Variants in PTPN9 observed in about 807,000 individuals in gnomAD.
PTPN9 encodes tyrosine-protein phosphatase non-receptor type 9.
A neutral mutation model predicts 69.8 loss-of-function variants in PTPN9; 26 were observed. That is an observed-to-expected ratio of 0.37 (90% CI 0.27 to 0.52). PTPN9 has a LOEUF of 0.52. PTPN9 is among the 20% of genes least tolerant of loss of function. PTPN9 has a pLI of 0.91. For missense variants in PTPN9, 549 were observed against 740.3 expected (o/e 0.74, Z 3.00); for synonymous variants, 274 against 272.5 (o/e 1.01, Z -0.05).
At chr15:75,515,224 G>C (rs1301062806) in intron 5 of PTPN9, among the ~76,000 whole-genome samples, 1 of 150,830 alleles carries the variant, frequency 6.6e-6, no homozygotes, top group Non-Finnish European at 1.5e-5. Context: ...TGAGGAGATC[G>C]AGACCATCTT....
intron 4 of PTPN9, among the ~76,000 whole-genome samples, chr15:75,518,968 T>C (rs1193389718): frequency 6.6e-6 from 1 of 152,220 alleles, no homozygotes. Context: ...CGTACTTATA[T>C]GTGATCTGCA....
At chr15:75,530,606 T>C (rs1357814944) in intron 1 of PTPN9, among the ~76,000 whole-genome samples, 1 of 81,470 alleles carries the variant, frequency 1.2e-5, no homozygotes, top group South Asian at 2.9e-4. Context: ...TATATTATAA[T>C]ATACTATAAT....
At chr15:75,523,381 G>T in intron 3 of PTPN9, 136 bp from the exon 4 acceptor site, 2 of 970,460 alleles carry the variant, frequency 2.1e-6, no homozygotes, top group South Asian at 1.7e-5. Flanking sequence ...TTCACCAATT[G>T]CTGTCCAAAG....
chr15:75,486,909 C>A (rs185041778), intron 8 of PTPN9, among the ~76,000 whole-genome samples: 1 of 151,566 alleles, frequency 6.6e-6, no homozygotes, highest in Non-Finnish European at 1.5e-5. Context: ...CTCGGCCTCC[C>A]GAGTAGCTGG....
rs1290349960 is a variant in PTPN9 at position 75,475,345 on chromosome 15, G to T, written c.1130-1578C>A. Among the ~76,000 whole-genome samples, 6 of 152,122 alleles carry T rather than the reference G, an allele frequency of 3.9e-5. No individual in the cohort carries two copies. In the East Asian group the frequency reaches 1.2e-3, roughly 29 times the overall value. On this transcript the variant is annotated intron_variant, in intron 9 of 12. Coordinates refer to ENST00000618819, the MANE Select transcript of PTPN9 (RefSeq NM_002833.4). ...TGTAATCCCAACACTTTGGGAGGCCGAGGCAGGTGGATCACTTGAGGTCAG... is the reference window on the plus strand; with the variant it reads ...TGTAATCCCAACACTTTGGGAGGCCTAGGCAGGTGGATCACTTGAGGTCAG...
intron 7 of PTPN9, among the ~76,000 whole-genome samples, chr15:75,493,113 TC>T (rs753789474): frequency 3.3e-4 from 50 of 152,040 alleles, no homozygotes; most frequent in Non-Finnish European, 1.5e-4. Flanking sequence ...TATGATTGCA[TC>T]CCTGCACTCC....
chr15:75,517,194 G>A (rs751502430), intron 5 of PTPN9, 65 bp downstream of exon 5: 2 of 1,226,596 alleles, frequency 1.6e-6, no homozygotes, highest in Admixed American at 4.9e-5. Context: ...TTTTCCCAAA[G>A]AATTAAAAAA....
intron 7 of PTPN9, among the ~76,000 whole-genome samples, chr15:75,502,660 G>C (rs974675074): frequency 1.3e-5 from 2 of 152,034 alleles, no homozygotes; most frequent in African/African-American, 4.8e-5. Flanking sequence ...AGTCCTATGA[G>C]GCAACTGTAC....
intron 1 of PTPN9, among the ~76,000 whole-genome samples, chr15:75,528,877 T>C (rs1283189866): frequency 1.3e-5 from 2 of 151,896 alleles, no homozygotes; most frequent in African/African-American, 2.4e-5. Flanking sequence ...ATTTTTTTGA[T>C]TTTTTGTAGA....
chr15:75,556,599 A>G (rs139654379), intron 1 of PTPN9, among the ~76,000 whole-genome samples: 11 of 151,928 alleles, frequency 7.2e-5, no homozygotes, highest in African/African-American at 2.4e-4. Context: ...GCTGGTCTCA[A>G]ACTCCTGAGC....
At chr15:75,517,845 A>C (rs778714527) in intron 4 of PTPN9, among the ~76,000 whole-genome samples, 1 of 152,166 alleles carries the variant, frequency 6.6e-6, no homozygotes, top group Non-Finnish European at 1.5e-5. Flanking sequence ...AAAGGACAAG[A>C]ACTTGTTGTT....
Position 75,521,663 on chromosome 15 carries a change from A to G in PTPN9, c.422+1458T>C, listed in dbSNP as rs140733005. ...GAGTTCAAGACTGCAGTGAGCTACA[A>G]TCATGCTACTGCACTCCAGCCTGGG... On this transcript the variant is annotated intron_variant, in intron 4 of 12. Transcript: ENST00000618819. 3.2e-3 allele frequency among the ~76,000 whole-genome samples: 494 copies of G among 152,122 alleles called. 2 individuals are homozygous for G. Among genetic ancestry groups the G allele is most frequent in the Non-Finnish European group, 5.5e-3 (371 of 68,002 alleles).
chr15:75,513,767 AAAAC>A (rs1049155737), intron 5 of PTPN9, among the ~76,000 whole-genome samples: 10 of 151,554 alleles, frequency 6.6e-5, no homozygotes, highest in African/African-American at 1.2e-4. Flanking sequence ...ACTCCATCTC[AAAAC>A]AAACAAACAA....
chr15:75,468,528 G>T lies in PTPN9; in HGVS notation c.*241C>A. The T allele has an allele frequency of 2.4e-6, 1 of 413,896 alleles. No homozygotes were observed. The highest frequency in any genetic ancestry group is 4.4e-6 in the Non-Finnish European group (1 of 228,498). 25.6% of individuals were successfully genotyped at this position (413,896 alleles called of 1,614,324 possible). A position where few individuals can be genotyped will look rare whatever the true frequency, so the allele number is the denominator to read the frequency against. ...ATAGCCACAATTTGGTTTTAATAAG[G>T]CACAGTTTGATAGCAGATGCTAGGA... On this transcript the variant is annotated 3_prime_UTR_variant, in exon 13 of 13. Coordinates refer to ENST00000618819, the MANE Select transcript of PTPN9 (RefSeq NM_002833.4).
intron 7 of PTPN9, among the ~76,000 whole-genome samples, chr15:75,495,068 A>C (rs1253465469): frequency 6.6e-6 from 1 of 152,184 alleles, no homozygotes; most frequent in Non-Finnish European, 1.5e-5. Context: ...GAATAAGATC[A>C]GACAATTCAC....
chr15:75,488,663 G>T (rs1158591270), intron 8 of PTPN9, among the ~76,000 whole-genome samples: 1 of 151,992 alleles, frequency 6.6e-6, no homozygotes, highest in South Asian at 2.1e-4. Flanking sequence ...GTGTAATGGC[G>T]TGTGCCTGTA....
intron 7 of PTPN9, among the ~76,000 whole-genome samples, chr15:75,503,632 G>A (rs1184289872): frequency 2.2e-5 from 3 of 134,732 alleles, no homozygotes; most frequent in African/African-American, 5.5e-5. Flanking sequence ...CGCCCCGTCC[G>A]GGAGGTGAGG....
At chr15:75,524,373 AT>A (rs780391331) in intron 2 of PTPN9, 75 bp from the exon 3 acceptor site, 6 of 806,418 alleles carry the variant, frequency 7.4e-6, no homozygotes, top group Non-Finnish European at 1.0e-5. Context: ...TAACCACCAA[AT>A]CTCAGAGATA....
chr15:75,571,080 C>T lies in PTPN9; in HGVS notation c.63+7634G>A, dbSNP rs537206866. On this transcript the variant is annotated intron_variant, in intron 1 of 12. Transcript: ENST00000618819. ...TTTGAGACCAGCCTGGCCAACATGG[C>T]GAAACCCCGTCTCTACTAAAAATAC... Among the ~76,000 whole-genome samples the T allele has an allele frequency of 3.3e-5, 5 of 151,610 alleles. No homozygotes were observed. The South Asian group carries it at 8.3e-4, about 25-fold the overall frequency.
Sources: gnomAD v4.1 joint callset for allele counts (sites outside exome capture counted in the v4.1 genomes callset) on GRCh38, gnomAD v4.1.1 for gene constraint, MANE v1.5 for transcripts, NCBI Gene and HGNC (gene_info 2026-07-23, HGNC 2026-07-21) for gene names.